The following TES variants were observed in gnomAD, a reference collection of about 807,000 sequenced individuals.
The protein encoded by TES is testin.
TES carries 41 observed loss-of-function variants against 48.2 expected under a neutral mutation model. The observed-to-expected ratio is 0.85, with a 90% confidence interval of 0.66 to 1.10. The LOEUF is 1.10. TES is among the 50% of genes least tolerant of loss of function. The pLI, the probability that TES is intolerant of heterozygous loss-of-function variation, is 0.00. For missense variants in TES, 463 were observed against 515.1 expected, an observed-to-expected ratio of 0.90 and a Z score of 0.98; for synonymous variants, 162 against 174.9, an observed-to-expected ratio of 0.93 and a Z score of 0.58.
chr7:116,249,384 C>T (rs749094689), intron 3 of TES, 112 bp downstream of exon 3: 166 of 1,267,778 alleles, frequency 1.3e-4, no homozygotes, highest in Non-Finnish European at 1.5e-4. Flanking sequence ...GTTATTCTTC[C>T]GGGGTTCTCA....
At chr7:116,227,819 A>G (rs1444789323) in intron 1 of TES, among the ~76,000 whole-genome samples, 1 of 152,120 alleles carries the variant, frequency 6.6e-6, no homozygotes, top group Non-Finnish European at 1.5e-5. Context: ...AATATTATTA[A>G]AGAAGTCTTA....
At chr7:116,254,754 ATATATGTGTGTG>A (rs1800071257) in intron 6 of TES, among the ~76,000 whole-genome samples, 53 of 119,324 alleles carry the variant, frequency 4.4e-4, no homozygotes, top group African/African-American at 1.5e-3. Flanking sequence ...AAAAATATAT[ATATATGTGTGTG>A]TGTGTGTGTG....
chr7:116,214,513 T>C (rs759468453), intron 1 of TES, among the ~76,000 whole-genome samples: 2 of 152,140 alleles, frequency 1.3e-5, no homozygotes, highest in African/African-American at 4.8e-5. Flanking sequence ...TTTAGAGGTG[T>C]TCTGCCTCTC....
In TES at chr7:116,249,430, A is replaced by G. The variant is rs1178236965; in HGVS notation, c.366+158A>G. On this transcript the variant is annotated intron_variant, in intron 3 of 6. Transcript: ENST00000358204. ...TTCTGATTCCTGTTCTAGTCTTTTG[A>G]ATGTAAGACTAGATACTTCATAAAA... The G allele has an allele frequency of 7.0e-6, 6 of 857,112 alleles. No homozygotes were observed. The African/African-American group carries it at 1.0e-4, about 15-fold the overall frequency. The allele number at this position is 857,112 out of a possible 1,614,324, so 53.1% of individuals were successfully genotyped here.
chr7:116,247,259 T>C (rs555799962), intron 2 of TES, among the ~76,000 whole-genome samples: 96 of 152,220 alleles, frequency 6.3e-4, no homozygotes, highest in African/African-American at 2.0e-3. Context: ...TTATAATCTT[T>C]GATGGGAAAA....
chr7:116,223,255 A>C (rs1041953407), intron 1 of TES, among the ~76,000 whole-genome samples: 2 of 152,210 alleles, frequency 1.3e-5, no homozygotes, highest in African/African-American at 4.8e-5. Context: ...ATAGATAAGT[A>C]GTACTGTGAG....
chr7:116,225,850 T>C (rs1434255229), intron 1 of TES, among the ~76,000 whole-genome samples: 1 of 152,232 alleles, frequency 6.6e-6, no homozygotes, highest in African/African-American at 2.4e-5. Flanking sequence ...AGGGCTTCTT[T>C]ATCAGGGCGT....
rs1800126499 is a variant in TES, at chr7:116,257,865, A to AC, written c.*383_*384insC. 1.3e-5 allele frequency: 2 copies of AC among 153,826 alleles called. No individual in the cohort carries two copies. The highest frequency in any genetic ancestry group is 2.8e-5 in the Non-Finnish European group (2 of 70,836). The allele number at this position is 153,826 out of a possible 1,614,324, so 9.5% of individuals were successfully genotyped here. A position where few individuals can be genotyped will look rare whatever the true frequency, so the allele number is the denominator to read the frequency against. On this transcript the variant is annotated 3_prime_UTR_variant, in exon 7 of 7. Transcript: ENST00000358204. Reference sequence around the variant, plus strand: ...CACTTCTTTTTTCCCCCTCATGTGTAAAATGAAAAGAAAACTAAATTTGCC... The same window carrying AC: ...CACTTCTTTTTTCCCCCTCATGTGTACAAATGAAAAGAAAACTAAATTTGCC...
At position 116,257,625 on chromosome 7, in the gene TES, T is replaced by G. The variant is rs1337232856; in HGVS notation, c.*143T>G. On this transcript the variant is annotated 3_prime_UTR_variant, in exon 7 of 7. Transcript: ENST00000358204. ...GATTTTGTTTAATTTTTTTGGCCAT[T>G]TTTTCTTCATCAATTTTTTTTCGGT... is the stretch of plus-strand genomic sequence containing the variant. 1.5e-5 allele frequency: 12 copies of G among 778,378 alleles called. No individual in the cohort carries two copies. The East Asian group carries it at 3.3e-4, about 22-fold the overall frequency. 48.2% of individuals were successfully genotyped at this position (778,378 alleles called of 1,614,324 possible).
At chr7:116,230,107 T>C (rs1311901510) in intron 1 of TES, among the ~76,000 whole-genome samples, 2 of 152,180 alleles carry the variant, frequency 1.3e-5, no homozygotes, top group Non-Finnish European at 2.9e-5. Flanking sequence ...CTAAAAGTGA[T>C]TTTGAAAACT....
chr7:116,216,200 A>G (rs1799492087), intron 1 of TES, among the ~76,000 whole-genome samples: 1 of 152,158 alleles, frequency 6.6e-6, no homozygotes, highest in Non-Finnish European at 1.5e-5. Flanking sequence ...GAAGGAATAC[A>G]AGTTGGCCCC....
chr7:116,216,183 A>G (rs1042233882), intron 1 of TES, among the ~76,000 whole-genome samples: 2 of 152,130 alleles, frequency 1.3e-5, no homozygotes, highest in African/African-American at 4.8e-5. Flanking sequence ...TTTTCTGAGA[A>G]CTAGAAGAAG....
At chr7:116,254,758 A>ATG (rs202115399) in intron 6 of TES, among the ~76,000 whole-genome samples, 6,815 of 116,718 alleles carry the variant, frequency 0.058, 186 homozygotes, top group Non-Finnish European at 0.07. Context: ...ATATATATAT[A>ATG]TGTGTGTGTG....
At chr7:116,239,254 G>A (rs1298488356) in intron 2 of TES, 1 of 152,218 alleles carries the variant, frequency 6.6e-6, no homozygotes, top group Non-Finnish European at 1.5e-5. Flanking sequence ...CTTCTGCTGC[G>A]AGCCAGAGAA....
chr7:116,254,471 C>T (rs1800064441), intron 6 of TES, among the ~76,000 whole-genome samples: 1 of 152,028 alleles, frequency 6.6e-6, no homozygotes, highest in South Asian at 2.1e-4. Flanking sequence ...CATGGTGGCT[C>T]ACGCCTGTAA....
chr7:116,229,195 ACT>A (rs1400106077), intron 1 of TES, among the ~76,000 whole-genome samples: 25 of 151,016 alleles, frequency 1.7e-4, no homozygotes, highest in Admixed American at 1.5e-3. Context: ...CCTCCCTGCC[ACT>A]CTCTCTCGCA....
chr7:116,231,993 G>A (rs1183983385), intron 1 of TES, among the ~76,000 whole-genome samples: 1 of 152,138 alleles, frequency 6.6e-6, no homozygotes, highest in East Asian at 1.9e-4. Flanking sequence ...AAAACAACTT[G>A]CCCCTTTGCA....
At chr7:116,249,978 C>T (rs1584628035) in intron 3 of TES, 183 bp from the exon 4 acceptor site, 2 of 413,254 alleles carry the variant, frequency 4.8e-6, no homozygotes, top group East Asian at 7.2e-5. Flanking sequence ...TTACTTTTTA[C>T]CCAACTAAAT....
At chr7:116,217,647 A>G (rs1430636261) in intron 1 of TES, 1 of 363,158 alleles carries the variant, frequency 2.8e-6, no homozygotes, top group Admixed American at 3.3e-5. Context: ...AATCAAAAAC[A>G]TTGCAAAACT....
Sources: gnomAD v4.1 joint callset for allele counts (sites outside exome capture counted in the v4.1 genomes callset) on GRCh38, gnomAD v4.1.1 for gene constraint, MANE v1.5 for transcripts, NCBI Gene and HGNC (gene_info 2026-07-23, HGNC 2026-07-21) for gene names.